PLPPR1: variants seen among roughly 807,000 people sequenced by gnomAD.
PLPPR1 encodes phospholipid phosphatase-related protein type 1.
A neutral mutation model predicts 33.1 loss-of-function variants in PLPPR1; 10 were observed. That is an observed-to-expected ratio of 0.30 (90% CI 0.19 to 0.51). The LOEUF is 0.51. PLPPR1 is among the 20% of genes least tolerant of loss of function. The pLI is 0.97. For missense variants in PLPPR1, 304 were observed against 408.1 expected, an observed-to-expected ratio of 0.74 and a Z score of 2.20; for synonymous variants, 151 against 151.0, an observed-to-expected ratio of 1.00 and a Z score of 0.00.
At chr9:101,090,283 G>A (rs1365204922) in intron 1 of PLPPR1, among the ~76,000 whole-genome samples, 3 of 152,100 alleles carry the variant, frequency 2.0e-5, no homozygotes, top group African/African-American at 7.2e-5. Context: ...TGACTTCAGT[G>A]TATCTTTTTG....
intron 2 of PLPPR1, among the ~76,000 whole-genome samples, chr9:101,226,176 T>A (rs976353386): frequency 6.6e-6 from 1 of 152,140 alleles, no homozygotes; most frequent in South Asian, 2.1e-4. Flanking sequence ...CAAAGGTGAT[T>A]TTCCTGGGAA....
Position 101,238,579 on chromosome 9 carries a change from A to G in PLPPR1, c.64-31301A>G, listed in dbSNP as rs546209867. Among the ~76,000 whole-genome samples the G allele has an allele frequency of 4.6e-5, 7 of 151,718 alleles. No homozygotes were observed. The East Asian group carries it at 1.2e-3, about 26-fold the overall frequency. On this transcript the variant is annotated intron_variant, in intron 2 of 7. Transcript: ENST00000374874. ...CTCACTTGCAAGTGGGAGCTAATCA[A>G]TGGGTACACATGGACGTAGAGAGTG...
At chr9:101,215,145 T>G (rs1182182127) in intron 2 of PLPPR1, among the ~76,000 whole-genome samples, 1 of 152,140 alleles carries the variant, frequency 6.6e-6, no homozygotes, top group East Asian at 1.9e-4. Flanking sequence ...TTAGTCAAAC[T>G]AAATTTAGCA....
At chr9:101,052,626 A>G (rs34861860) in intron 1 of PLPPR1, among the ~76,000 whole-genome samples, 32,183 of 151,980 alleles carry the variant, frequency 0.21, 3,606 homozygotes, top group East Asian at 0.36. Flanking sequence ...GCTTATTTGC[A>G]TGGTGGCAGA....
chr9:101,323,635 T>C (rs1273041425), intron 7 of PLPPR1, among the ~76,000 whole-genome samples: 3 of 151,646 alleles, frequency 2.0e-5, no homozygotes, highest in African/African-American at 7.3e-5. Flanking sequence ...AGGTCGGGAG[T>C]TCGATACCAG....
intron 2 of PLPPR1, among the ~76,000 whole-genome samples, chr9:101,228,298 CA>C (rs900360518): frequency 6.6e-6 from 1 of 152,112 alleles, no homozygotes; most frequent in Non-Finnish European, 1.5e-5. Context: ...CTCCACTGAC[CA>C]AAGCTGTGGT....
intron 2 of PLPPR1, among the ~76,000 whole-genome samples, chr9:101,251,023 C>T (rs998848014): frequency 6.6e-6 from 1 of 151,964 alleles, no homozygotes; most frequent in Non-Finnish European, 1.5e-5. Flanking sequence ...TCTGATGACC[C>T]CCCAAATTGT....
intron 2 of PLPPR1, among the ~76,000 whole-genome samples, chr9:101,260,677 G>A (rs1180073389): frequency 6.6e-6 from 1 of 152,090 alleles, no homozygotes; most frequent in Non-Finnish European, 1.5e-5. Flanking sequence ...GGCATTTGGA[G>A]TACCTATGGA....
intron 1 of PLPPR1, among the ~76,000 whole-genome samples, chr9:101,155,241 T>C (rs1831663451): frequency 6.6e-6 from 1 of 152,206 alleles, no homozygotes; most frequent in Non-Finnish European, 1.5e-5. Flanking sequence ...CCAGTCCTGC[T>C]GAACTGGAGA....
rs137927508 is a variant in PLPPR1, at chr9:101,134,283, C to A, written c.-45-51167C>A. Among the ~76,000 whole-genome samples, 15 of 152,112 alleles carry A rather than the reference C, an allele frequency of 9.9e-5. No homozygotes were observed. In the East Asian group the frequency reaches 2.1e-3, roughly 22 times the overall value. On this transcript the variant is annotated intron_variant, in intron 1 of 7. Coordinates refer to ENST00000374874, the MANE Select transcript of PLPPR1 (RefSeq NM_207299.2). ...GAAAGTTTAACACTTAAGGAATTTG[C>A]TATTTAAAGAGACAAGCCTAAGTCA... is the stretch of plus-strand genomic sequence containing the variant.
chr9:101,069,090 G>T (rs898736030), intron 1 of PLPPR1, among the ~76,000 whole-genome samples: 17 of 151,726 alleles, frequency 1.1e-4, no homozygotes, highest in African/African-American at 4.1e-4. Context: ...TTTCCATATG[G>T]ATGCTCTTCA....
At chr9:101,289,090 G>A (rs1233025496) in intron 4 of PLPPR1, among the ~76,000 whole-genome samples, 2 of 152,054 alleles carry the variant, frequency 1.3e-5, no homozygotes, top group East Asian at 1.9e-4. Context: ...CATGCTAAAC[G>A]GCTTCACATG....
chr9:101,057,564 T>C (rs1447495878), intron 1 of PLPPR1, among the ~76,000 whole-genome samples: 1 of 152,190 alleles, frequency 6.6e-6, no homozygotes, highest in Non-Finnish European at 1.5e-5. Context: ...ATTTAATAAC[T>C]ACTGCCTTTT....
chr9:101,164,266 A>G (rs1361893871), intron 1 of PLPPR1, among the ~76,000 whole-genome samples: 1 of 152,112 alleles, frequency 6.6e-6, no homozygotes, highest in Non-Finnish European at 1.5e-5. Flanking sequence ...AATGTTTCTC[A>G]TCTATAAAAT....
At chr9:101,229,295 T>C (rs1392152945) in intron 2 of PLPPR1, among the ~76,000 whole-genome samples, 1 of 152,144 alleles carries the variant, frequency 6.6e-6, no homozygotes, top group Non-Finnish European at 1.5e-5. Flanking sequence ...TTTGCAACAT[T>C]CCCAAGATCT....
At chr9:101,295,420 A>G (rs542376770) in intron 4 of PLPPR1, among the ~76,000 whole-genome samples, 44 of 152,178 alleles carry the variant, frequency 2.9e-4, no homozygotes, top group Admixed American at 2.8e-3. Flanking sequence ...CAAGCTACCA[A>G]TGACTTTCTT....
chr9:101,167,267 A>G (rs1825876405), intron 1 of PLPPR1, among the ~76,000 whole-genome samples: 3 of 146,568 alleles, frequency 2.0e-5, no homozygotes, highest in Admixed American at 6.7e-5. Context: ...TGAAAAACAA[A>G]CAGCTTGGCT....
At chr9:101,242,267 T>C (rs1249463966) in intron 2 of PLPPR1, among the ~76,000 whole-genome samples, 2 of 150,894 alleles carry the variant, frequency 1.3e-5, no homozygotes, top group African/African-American at 4.9e-5. Flanking sequence ...TCTGATATAG[T>C]CTCGGAAATC....
intron 3 of PLPPR1, among the ~76,000 whole-genome samples, chr9:101,271,944 AAGTT>A (rs1360055332): frequency 2.6e-5 from 4 of 152,210 alleles, no homozygotes; most frequent in South Asian, 2.1e-4. Flanking sequence ...TTGTGGCAGA[AAGTT>A]AGTCAGAAAA....
Sources: allele counts gnomAD v4.1 joint callset (sites outside exome capture counted in the v4.1 genomes callset), GRCh38; gene constraint gnomAD v4.1.1; transcripts MANE v1.5; gene names NCBI Gene and HGNC (gene_info 2026-07-23, HGNC 2026-07-21).